The following LGI1 variants were observed in gnomAD, a reference collection of about 807,000 sequenced individuals.
LGI1 encodes the protein leucine rich glioma inactivated 1, also known as leucine-rich glioma-inactivated protein 1.
A neutral mutation model predicts 57.7 loss-of-function variants in LGI1; 11 were observed. That is an observed-to-expected ratio of 0.19 (90% CI 0.12 to 0.32). The LOEUF is 0.32. Among genes scored for constraint, LGI1 ranks in the 10% least tolerant of loss-of-function variants. The pLI, the probability that LGI1 is intolerant of heterozygous loss-of-function variation, is 1.00. For missense variants in LGI1, 422 were observed against 661.9 expected, an observed-to-expected ratio of 0.64 and a Z score of 3.98; for synonymous variants, 222 against 241.9, an observed-to-expected ratio of 0.92 and a Z score of 0.76.
chr10:93,777,224 G>T, intron 2 of LGI1, 155 bp from the exon 3 acceptor site: 1 of 715,078 alleles, frequency 1.4e-6, no homozygotes, highest in Non-Finnish European at 2.5e-6. Context: ...GTAAAAAAAT[G>T]CTGCATAGAT....
intron 2 of LGI1, among the ~76,000 whole-genome samples, chr10:93,759,471 A>G (rs2059600904): frequency 6.6e-6 from 1 of 152,244 alleles, no homozygotes; most frequent in Non-Finnish European, 1.5e-5. Context: ...GCCTGAAAAT[A>G]TTCAAAAAAA....
At chr10:93,759,584 C>T (rs1048356096) in intron 2 of LGI1, among the ~76,000 whole-genome samples, 5 of 152,140 alleles carry the variant, frequency 3.3e-5, no homozygotes, top group African/African-American at 9.7e-5. Context: ...GTCCTTACAG[C>T]GGTATCACAT....
chr10:93,796,870 G>C lies in LGI1; in HGVS notation c.839-98G>C, dbSNP rs75083285. 2,383 of 975,552 alleles carry C rather than the reference G, an allele frequency of 2.4e-3. 58 individuals carry two copies. The East Asian group carries it at 0.038, about 16-fold the overall frequency. 60.4% of individuals were successfully genotyped at this position (975,552 alleles called of 1,614,324 possible). On this transcript the variant is annotated intron_variant, in intron 7 of 7. Coordinates refer to ENST00000371418, the MANE Select transcript of LGI1 (RefSeq NM_005097.4). Reference sequence around the variant, plus strand: ...TCAACCAAGGAGATCTCTTGTTTCAGGCTGATTTGGGTGGAAGTTGTATGG... The same window carrying C: ...TCAACCAAGGAGATCTCTTGTTTCACGCTGATTTGGGTGGAAGTTGTATGG...
At chr10:93,785,604 C>G (rs1222827019) in intron 4 of LGI1, among the ~76,000 whole-genome samples, 2 of 152,158 alleles carry the variant, frequency 1.3e-5, no homozygotes, top group Admixed American at 1.3e-4. Flanking sequence ...TTTAAAAATA[C>G]TTAGCACGTA....
rs1429579632 is a variant in LGI1, at chr10:93,777,465, T to A, written c.359+15T>A. On this transcript the variant is annotated intron_variant, in intron 3 of 7. Coordinates refer to ENST00000371418, the MANE Select transcript of LGI1 (RefSeq NM_005097.4). ...CTAGAGTATTTGTAAGTAAAAAAGC[T>A]TTTTTAAAACATGATGATTCAGGAC... The A allele has an allele frequency of 2.5e-6, 4 of 1,612,956 alleles. No homozygotes were observed. In the Admixed American group the frequency reaches 6.7e-5, roughly 27 times the overall value.
At chr10:93,796,908 T>A in intron 7 of LGI1, 60 bp from the exon 8 acceptor site, 1 of 1,368,452 alleles carries the variant, frequency 7.3e-7, no homozygotes, top group Non-Finnish European at 1.0e-6. Flanking sequence ...CCAGCCCGCA[T>A]GTTTACATGC....
chr10:93,779,458 G>A (rs2059826661), intron 4 of LGI1, among the ~76,000 whole-genome samples: 2 of 148,318 alleles, frequency 1.3e-5, no homozygotes, highest in Non-Finnish European at 3.0e-5. Flanking sequence ...GAGGGGAAAG[G>A]AGGGAAGGAA....
chr10:93,792,327 T>C (rs115604297), intron 5 of LGI1: 2,528 of 185,456 alleles, frequency 0.014, 40 homozygotes, highest in Middle Eastern at 0.045. Flanking sequence ...ATAATGTTTA[T>C]ATTGATGATG....
chr10:93,790,936 G>A (rs530893785), intron 5 of LGI1: 1 of 152,178 alleles, frequency 6.6e-6, no homozygotes, highest in Non-Finnish European at 1.5e-5. Context: ...CAAATGAAAG[G>A]ATATATGAAA....
intron 2 of LGI1, among the ~76,000 whole-genome samples, chr10:93,774,699 G>A (rs1033924974): frequency 1.3e-5 from 2 of 152,264 alleles, no homozygotes; most frequent in African/African-American, 2.4e-5. Context: ...TGTAGAACAC[G>A]GCCACCCTGG....
At position 93,777,138 on chromosome 10, in the gene LGI1, G is replaced by A. The variant is rs1383170543; in HGVS notation, c.288-241G>A. 7.5e-5 allele frequency: 45 copies of A among 596,376 alleles called. No individual in the cohort carries two copies. The South Asian group carries it at 7.9e-4, about 10-fold the overall frequency. The allele number at this position is 596,376 out of a possible 1,614,324, so 36.9% of individuals were successfully genotyped here. A position where few individuals can be genotyped will look rare whatever the true frequency, so the allele number is the denominator to read the frequency against. ...TGATTGTATCTCAAAATGTCACCCAGGGTATGTGGCAGTCATTGTGAGGAA... is the reference window on the plus strand; with the variant it reads ...TGATTGTATCTCAAAATGTCACCCAAGGTATGTGGCAGTCATTGTGAGGAA... On this transcript the variant is annotated intron_variant, in intron 2 of 7. Transcript: ENST00000371418.
At chr10:93,759,633 G>T (rs1450881369) in intron 2 of LGI1, among the ~76,000 whole-genome samples, 1 of 152,200 alleles carries the variant, frequency 6.6e-6, no homozygotes, top group Non-Finnish European at 1.5e-5. Context: ...GTATCAGGTC[G>T]CAGACTTGGT....
intron 4 of LGI1, chr10:93,778,712 G>A (rs531984274): frequency 1.3e-5 from 2 of 152,286 alleles, no homozygotes; most frequent in South Asian, 4.1e-4. Context: ...TCTAGATACA[G>A]ATGCAAGAGA....
rs2059995350 is a variant in LGI1 at position 93,797,993 on chromosome 10, AT to A, written c.*191del. 1 of 616,030 alleles carries A rather than the reference AT, an allele frequency of 1.6e-6. No homozygotes were observed. Among genetic ancestry groups the A allele is most frequent in the Non-Finnish European group, 2.9e-6 (1 of 345,292 alleles). 38.2% of individuals were successfully genotyped at this position (616,030 alleles called of 1,614,324 possible). Reference sequence around the variant, plus strand: ...CCAGTGATGTGGGAAGTTACCTTTTATAAGACAAAATTTAATTGTGTAACTG... The same window carrying A: ...CCAGTGATGTGGGAAGTTACCTTTTAAAGACAAAATTTAATTGTGTAACTG... On this transcript the variant is annotated 3_prime_UTR_variant, in exon 8 of 8. Transcript: ENST00000371418. The surrounding 1 kb of genome is among the most constrained non-coding windows in gnomAD (Gnocchi z 6.5).
chr10:93,787,544 C>T (rs1241952764), intron 4 of LGI1, among the ~76,000 whole-genome samples: 2 of 152,176 alleles, frequency 1.3e-5, no homozygotes, highest in East Asian at 1.9e-4. Flanking sequence ...TTAGCTTGCA[C>T]GTGGATCATG....
At chr10:93,777,288 C>A in intron 2 of LGI1, 91 bp from the exon 3 acceptor site, 1 of 1,101,540 alleles carries the variant, frequency 9.1e-7, no homozygotes, top group Non-Finnish European at 1.4e-6. Flanking sequence ...TTTCTGTATA[C>A]AACTCCCACT....
chr10:93,776,014 C>T (rs1241706607), intron 2 of LGI1: 2 of 152,166 alleles, frequency 1.3e-5, no homozygotes, highest in African/African-American at 4.8e-5. Context: ...TGAGAAGAGA[C>T]ACAATTGCCA....
At position 93,792,866 on chromosome 10, in the gene LGI1, C is replaced by A. The variant is rs754645218; in HGVS notation, c.627C>A (p.Arg209=). The A allele has an allele frequency of 6.2e-7, 1 of 1,613,998 alleles. No individual in the cohort carries two copies. The highest frequency in any genetic ancestry group is 8.5e-7 in the Non-Finnish European group (1 of 1,179,966). The part of the protein sequence containing the change: ...YCEGPPEYKK[R]KINSLSSKDF... ...AAGGCCCCCCAGAATACAAGAAGCGCAAAATCAATAGTCTCTCCTCGAAGG... is the reference window on the plus strand; with the variant it reads ...AAGGCCCCCCAGAATACAAGAAGCGAAAAATCAATAGTCTCTCCTCGAAGG... The change falls in exon 6 of 8, where the codon CGC becomes CGA. Residue 209 remains arginine (R), a synonymous_variant. Coordinates refer to ENST00000371418, the MANE Select transcript of LGI1 (RefSeq NM_005097.4).
At chr10:93,796,872 C>A in intron 7 of LGI1, 96 bp from the exon 8 acceptor site, 2 of 991,382 alleles carry the variant, frequency 2.0e-6, no homozygotes, top group Non-Finnish European at 3.2e-6. Flanking sequence ...TTGTTTCAGG[C>A]TGATTTGGGT....
Sources: gnomAD v4.1 joint callset for allele counts (sites outside exome capture counted in the v4.1 genomes callset) on GRCh38, gnomAD v4.1.1 for gene constraint, Gnocchi (gnomAD v3.1) non-coding constraint, MANE v1.5 for transcripts, NCBI Gene and HGNC (gene_info 2026-07-23, HGNC 2026-07-21) for gene names.